Variants in BCAS3 observed in about 807,000 individuals in gnomAD.
The protein encoded by BCAS3 is BCAS3 microtubule associated cell migration factor.
A neutral mutation model predicts 116.1 loss-of-function variants in BCAS3; 53 were observed. The observed-to-expected ratio is 0.46, with a 90% CI of 0.37 to 0.57. The LOEUF (loss-of-function observed/expected upper bound fraction) is 0.57. Ranked by LOEUF, BCAS3 falls within the 20% of genes least tolerant of loss-of-function variation. The probability of loss-of-function intolerance (pLI) is 0.00; values close to 1 mark genes in which losing one functional copy is unlikely to be tolerated. For synonymous variants in BCAS3, 391 were observed against 408.2 expected (o/e 0.96, Z 0.51); for missense variants, 917 against 1,165.4 (o/e 0.79, Z 3.10).
chr17:61,202,685 A>G (rs2080908959), intron 22 of BCAS3, among the ~76,000 whole-genome samples: 1 of 152,188 alleles, frequency 6.6e-6, no homozygotes, highest in Non-Finnish European at 1.5e-5. Flanking sequence ...AAAGCTGAGA[A>G]TTAAATGGCA....
chr17:60,876,808 T>A (rs576814210), intron 9 of BCAS3, among the ~76,000 whole-genome samples: 1 of 152,258 alleles, frequency 6.6e-6, no homozygotes, highest in African/African-American at 2.4e-5. Flanking sequence ...GTATTCTCAT[T>A]GAGAGAAAAG....
chr17:60,820,954 C>CT (rs964976549), intron 7 of BCAS3, among the ~76,000 whole-genome samples: 3 of 151,610 alleles, frequency 2.0e-5, no homozygotes, highest in South Asian at 2.1e-4. Context: ...ATAAAACTAA[C>CT]TTTTTTTTTG....
At chr17:60,854,238 T>A (rs2053453791) in intron 7 of BCAS3, among the ~76,000 whole-genome samples, 3 of 152,212 alleles carry the variant, frequency 2.0e-5, no homozygotes, top group African/African-American at 7.2e-5. Context: ...TCATCCTTTT[T>A]TATGGCTGCA....
Position 61,374,932 on chromosome 17 carries a change from A to G in BCAS3, c.2593+6438A>G, listed in dbSNP as rs559910422. 5.9e-5 allele frequency among the ~76,000 whole-genome samples: 9 copies of G among 152,356 alleles called. No individual in the cohort carries two copies. In the East Asian group the frequency reaches 9.6e-4, roughly 16 times the overall value. On this transcript the variant is annotated intron_variant, in intron 23 of 23. Coordinates refer to ENST00000407086, the MANE Select transcript of BCAS3 (RefSeq NM_017679.5). ...ATGGCAATCTGCGCTTTGAAAATCAATGCTCTAGCTTGTTCACCTAAATCC... is the reference window on the plus strand; with the variant it reads ...ATGGCAATCTGCGCTTTGAAAATCAGTGCTCTAGCTTGTTCACCTAAATCC...
rs532848119 is a variant in BCAS3 at position 60,855,440 on chromosome 17, C to T, written c.477-13136C>T. ...CTTTATCTTTTCCAGCATTTGTTGT[C>T]ACTATTTTTAAATTTTTTTTTTTTT... On this transcript the variant is annotated intron_variant, in intron 7 of 23. Coordinates refer to ENST00000407086, the MANE Select transcript of BCAS3 (RefSeq NM_017679.5). Among the ~76,000 whole-genome samples, 167 of 148,886 alleles carry T rather than the reference C, an allele frequency of 1.1e-3. 1 individual carries two copies. Among genetic ancestry groups the T allele is most frequent in the Non-Finnish European group, 2.5e-4 (17 of 67,348 alleles).
chr17:61,145,861 A>ATT lies in BCAS3; in HGVS notation c.2425+61305_2425+61306dup, dbSNP rs5821301. Reference sequence around the variant, plus strand: ...GAACTTCATGTACAAGACATATTTCATTTTTTTTTCTTCCCTCACAAATTT... The same window carrying ATT: ...GAACTTCATGTACAAGACATATTTCATTTTTTTTTTTCTTCCCTCACAAATTT... On this transcript the variant is annotated intron_variant, in intron 22 of 23. Transcript: ENST00000407086. This position sits in a 1 kb window ranked among gnomAD's most constrained non-coding sequence, Gnocchi z 5.0. 1.2e-4 allele frequency among the ~76,000 whole-genome samples: 18 copies of ATT among 150,560 alleles called. No individual in the cohort carries two copies. Among genetic ancestry groups the ATT allele is most frequent in the African/African-American group, 9.7e-5 (4 of 41,028 alleles).
rs915925682 is a variant in BCAS3, at chr17:61,007,709, A to C, written c.1487-8042A>C. 2.3e-5 allele frequency among the ~76,000 whole-genome samples: 3 copies of C among 129,786 alleles called. No individual in the cohort carries two copies. Among genetic ancestry groups the C allele is most frequent in the Admixed American group, 1.5e-4 (2 of 13,714 alleles). The allele number at this position is 129,786 out of a possible 152,430, so 85.1% of individuals were successfully genotyped here. A position where few individuals can be genotyped will look rare whatever the true frequency, so the allele number is the denominator to read the frequency against. On this transcript the variant is annotated intron_variant, in intron 15 of 23. Transcript: ENST00000407086. The surrounding 1 kb of genome is among the most constrained non-coding windows in gnomAD (Gnocchi z 4.3). ...AATAATCTCAATCCCCATCCTGTTTAAAAAAAAAAAAGAAAGATTGGATTC... is the reference window on the plus strand; with the variant it reads ...AATAATCTCAATCCCCATCCTGTTTCAAAAAAAAAAAGAAAGATTGGATTC...
chr17:60,782,024 C>T (rs2045880038), intron 6 of BCAS3, among the ~76,000 whole-genome samples: 1 of 152,026 alleles, frequency 6.6e-6, no homozygotes, highest in Non-Finnish European at 1.5e-5. Context: ...AACAACTGAG[C>T]TAGAAATCAG....
chr17:60,798,081 C>A (rs908004134), intron 6 of BCAS3, among the ~76,000 whole-genome samples: 3 of 152,156 alleles, frequency 2.0e-5, no homozygotes, highest in African/African-American at 7.2e-5. Context: ...TACCCCTGAC[C>A]CTGCCCAGGC....
rs904315214 is a variant in BCAS3 at position 61,344,110 on chromosome 17, G to T, written c.2426-24217G>T. On this transcript the variant is annotated intron_variant, in intron 22 of 23. Coordinates refer to ENST00000407086, the MANE Select transcript of BCAS3 (RefSeq NM_017679.5). The surrounding 1 kb of genome is among the most constrained non-coding windows in gnomAD (Gnocchi z 4.1). ...AGCGTGGGACAGGCTAAGGATGCCGGCTAGCCCCCAATCCCAGAGAGCATG... is the reference window on the plus strand; with the variant it reads ...AGCGTGGGACAGGCTAAGGATGCCGTCTAGCCCCCAATCCCAGAGAGCATG... Among the ~76,000 whole-genome samples, 2 of 152,098 alleles carry T rather than the reference G, an allele frequency of 1.3e-5. No individual in the cohort carries two copies. Among genetic ancestry groups the T allele is most frequent in the African/African-American group, 2.4e-5 (1 of 41,398 alleles).
chr17:60,682,129 C>T (rs1426355422), intron 2 of BCAS3, among the ~76,000 whole-genome samples: 2 of 152,224 alleles, frequency 1.3e-5, no homozygotes, highest in African/African-American at 4.8e-5. Flanking sequence ...GATTGTGCAC[C>T]GTGTACTACA....
At chr17:61,294,740 G>C (rs1455401936) in intron 22 of BCAS3, among the ~76,000 whole-genome samples, 2 of 152,132 alleles carry the variant, frequency 1.3e-5, no homozygotes, top group Non-Finnish European at 2.9e-5. Context: ...AAAACATTAA[G>C]ACGTGCTCCA....
intron 22 of BCAS3, among the ~76,000 whole-genome samples, chr17:61,152,195 C>G (rs1308559024): frequency 1.3e-5 from 2 of 152,174 alleles, no homozygotes; most frequent in African/African-American, 2.4e-5. Context: ...GGGACCCAAG[C>G]AGGTTGCTGC....
rs564539776 is a variant in BCAS3, at chr17:60,905,689, A to G, written c.822+2986A>G. ...CATGCCAAGGAAATTGAAGACGCGG[A>G]CACACAAGGAATGGGTTTAAGAGTG... On this transcript the variant is annotated intron_variant, in intron 11 of 23. Transcript: ENST00000407086. Among the ~76,000 whole-genome samples the G allele has an allele frequency of 3.9e-5, 6 of 152,330 alleles. No homozygotes were observed. The East Asian group carries it at 1.2e-3, about 29-fold the overall frequency.
chr17:60,746,232 G>A (rs1234059647), intron 5 of BCAS3, among the ~76,000 whole-genome samples: 2 of 152,084 alleles, frequency 1.3e-5, no homozygotes, highest in East Asian at 1.9e-4. Context: ...ACAGTACCAC[G>A]TACAGTAATT....
Position 61,276,805 on chromosome 17 carries a change from A to G in BCAS3, c.2426-91522A>G, listed in dbSNP as rs1472528275. Among the ~76,000 whole-genome samples the G allele has an allele frequency of 6.6e-6, 1 of 152,192 alleles. No individual in the cohort carries two copies. ...CCTCGACTTTTCAATTTCAAAATAT[A>G]CTTCTAAGCTACAGTAATCAAGACA... On this transcript the variant is annotated intron_variant, in intron 22 of 23. Transcript: ENST00000407086. The surrounding 1 kb of genome is among the most constrained non-coding windows in gnomAD (Gnocchi z 4.2).
intron 22 of BCAS3, among the ~76,000 whole-genome samples, chr17:61,322,154 G>A (rs577230206): frequency 1.5e-3 from 234 of 152,072 alleles, no homozygotes; most frequent in African/African-American, 5.3e-3. Flanking sequence ...GGCTGGTCTC[G>A]AACTCCCAAC....
chr17:60,939,608 G>A (rs1358903854), intron 13 of BCAS3, among the ~76,000 whole-genome samples: 2 of 152,148 alleles, frequency 1.3e-5, no homozygotes, highest in Non-Finnish European at 2.9e-5. Flanking sequence ...TCTAAAACAG[G>A]CAGTATTCAT....
chr17:60,982,759 T>A (rs74426305), intron 14 of BCAS3, among the ~76,000 whole-genome samples: 1,553 of 152,312 alleles, frequency 0.01, 33 homozygotes, highest in African/African-American at 0.036. Flanking sequence ...AAATTTGGTT[T>A]TTCTCTTGTT....
Sources: allele counts gnomAD v4.1 joint callset (sites outside exome capture counted in the v4.1 genomes callset), GRCh38; gene constraint gnomAD v4.1.1; non-coding constraint Gnocchi (gnomAD v3.1); transcripts MANE v1.5; gene names NCBI Gene and HGNC (gene_info 2026-07-23, HGNC 2026-07-21).